ANKS4B: variants seen among roughly 807,000 people sequenced by gnomAD.
ANKS4B encodes the protein ankyrin repeat and SAM domain-containing protein 4B.
ANKS4B carries 21 observed loss-of-function variants against 20.2 expected under a neutral mutation model. The observed-to-expected ratio is 1.04, with a 90% CI of 0.74 to 1.50. The LOEUF (loss-of-function observed/expected upper bound fraction) is 1.50. Among genes scored for constraint, ANKS4B ranks in the 40% most tolerant of loss-of-function variants. The probability of loss-of-function intolerance (pLI) is 0.00; values close to 1 mark genes in which losing one functional copy is unlikely to be tolerated. For synonymous variants in ANKS4B, 179 were observed against 194.5 expected (o/e 0.92, Z 0.66); for missense variants, 473 against 494.6 (o/e 0.96, Z 0.41).
At chr16:21,236,446 GTTC>G (rs2093320392) in intron 1 of ANKS4B, among the ~76,000 whole-genome samples, 1 of 152,176 alleles carries the variant, frequency 6.6e-6, no homozygotes, top group Non-Finnish European at 1.5e-5. Context: ...GGGTTCTGGG[GTTC>G]TTCTCAGCAG....
At chr16:21,234,998 A>G (rs772935146) in intron 1 of ANKS4B, among the ~76,000 whole-genome samples, 2 of 152,098 alleles carry the variant, frequency 1.3e-5, no homozygotes, top group Non-Finnish European at 2.9e-5. Context: ...AGAGGTGTGC[A>G]CCACCATGCC....
chr16:21,250,821 T>C lies in ANKS4B; in HGVS notation c.*1T>C, dbSNP rs757108980. 8 of 1,583,476 alleles carry C rather than the reference T, an allele frequency of 5.1e-6. No homozygotes were observed. Among genetic ancestry groups the C allele is most frequent in the Non-Finnish European group, 6.9e-6 (8 of 1,159,646 alleles). On this transcript the variant is annotated 3_prime_UTR_variant, in exon 2 of 2. Transcript: ENST00000311620. ...GCAGCTGGTCGACACCAGCCTGTGA[T>C]GGAGAGTTTTGGCCTGGAGCATTGG... is the stretch of plus-strand genomic sequence containing the variant.
intron 1 of ANKS4B, 40 bp downstream of exon 1, chr16:21,233,941 A>G: frequency 6.4e-7 from 1 of 1,574,724 alleles, no homozygotes; most frequent in Non-Finnish European, 8.7e-7. Context: ...AACAGTGTTC[A>G]TGGTAGGTTT....
At chr16:21,249,589 GTATCT>G in intron 1 of ANKS4B, 137 bp from the exon 2 acceptor site, 5 of 975,610 alleles carry the variant, frequency 5.1e-6, no homozygotes, top group Non-Finnish European at 7.3e-6. Context: ...CTTGCAGCCA[GTATCT>G]TATAACAATG....
chr16:21,247,351 C>T (rs1252655465), intron 1 of ANKS4B, among the ~76,000 whole-genome samples: 2 of 152,188 alleles, frequency 1.3e-5, no homozygotes, highest in Admixed American at 6.5e-5. Flanking sequence ...GCATGAGAGT[C>T]TTCTGAACTT....
rs746792050 is a variant in ANKS4B at position 21,249,705 on chromosome 16, AT to A, written c.165-18del. ...TTCAGAGAAAAAAAGTCCAACATGT[AT>A]TTTTTTTCTCTCTCTCTCTTCTAGA... is the stretch of plus-strand genomic sequence containing the variant. On this transcript the variant is annotated intron_variant, in intron 1 of 1. Transcript: ENST00000311620. The A allele has an allele frequency of 1.7e-4, 271 of 1,551,918 alleles. 2 individuals carry two copies. In the African/African-American group the frequency reaches 3.0e-3, roughly 17 times the overall value.
intron 1 of ANKS4B, among the ~76,000 whole-genome samples, chr16:21,240,082 T>C (rs540879100): frequency 6.6e-6 from 1 of 152,228 alleles, no homozygotes; most frequent in Non-Finnish European, 1.5e-5. Flanking sequence ...ACGAATCCTA[T>C]AGCAACCATT....
intron 1 of ANKS4B, among the ~76,000 whole-genome samples, chr16:21,248,597 G>A (rs1196815069): frequency 6.6e-6 from 1 of 151,976 alleles, no homozygotes. Flanking sequence ...GGGTGCAGTG[G>A]TGGGTGCCTG....
rs755756506 is a variant in ANKS4B, at chr16:21,250,668, C to A, written c.1102C>A (p.Gln368Lys). ...ATTCCTGCCTATCTTCAAGAGAGAG[C>A]AGATTGATCTAGAAGCTCTGCTGCT... ...EEFLPIFKRE[Q>K]IDLEALLLCS... Residue 368 changes from glutamine (Q) to lysine (K), a missense_variant, in exon 2 of 2, where the codon CAG becomes AAG. Transcript: ENST00000311620. 1.5e-5 allele frequency: 24 copies of A among 1,613,626 alleles called. No individual in the cohort carries two copies. Among genetic ancestry groups the A allele is most frequent in the Admixed American group, 3.3e-5 (2 of 59,978 alleles).
At position 21,250,728 on chromosome 16, in the gene ANKS4B, C is replaced by G. The variant is rs778952303; in HGVS notation, c.1162C>G (p.Gln388Glu). The G allele has an allele frequency of 6.2e-7, 1 of 1,609,964 alleles. No individual in the cohort carries two copies. Among genetic ancestry groups the G allele is most frequent in the Admixed American group, 1.7e-5 (1 of 59,974 alleles). The change falls in exon 2 of 2, where the codon CAG (glutamine) becomes GAG (glutamate). Residue 388 changes from glutamine to glutamate, a missense_variant. By Grantham distance (29) the Gln-to-Glu change is conservative. Coordinates refer to ENST00000311620, the MANE Select transcript of ANKS4B (RefSeq NM_145865.3). Reference protein sequence around the residue: ...SDEDLQSIQMQLGPRKKVLNA... With the variant: ...SDEDLQSIQMELGPRKKVLNA... ...TGAGGACCTTCAGAGCATACAAATG[C>G]AGCTGGGTCCCAGGAAGAAAGTTCT...
At position 21,245,434 on chromosome 16, in the gene ANKS4B, A is replaced by G. The variant is rs948516600; in HGVS notation, c.165-4297A>G. ...ATCCAATTAAGGAGACAAGGCATAA[A>G]TATTTGTCAGATTAAAACTGGAAGT... On this transcript the variant is annotated intron_variant, in intron 1 of 1. Transcript: ENST00000311620. 5.9e-5 allele frequency among the ~76,000 whole-genome samples: 9 copies of G among 152,230 alleles called. No individual in the cohort carries two copies. In the South Asian group the frequency reaches 1.0e-3, roughly 18 times the overall value.
chr16:21,245,446 T>C (rs544130493), intron 1 of ANKS4B, among the ~76,000 whole-genome samples: 1 of 151,996 alleles, frequency 6.6e-6, no homozygotes, highest in East Asian at 1.9e-4. Flanking sequence ...ATTTGTCAGA[T>C]TAAAACTGGA....
chr16:21,247,231 A>C (rs1421972061), intron 1 of ANKS4B, among the ~76,000 whole-genome samples: 1 of 152,000 alleles, frequency 6.6e-6, no homozygotes, highest in Non-Finnish European at 1.5e-5. Flanking sequence ...CGCCCGGCTA[A>C]TTTTTGTATT....
At chr16:21,234,268 C>T (rs1476114737) in intron 1 of ANKS4B, among the ~76,000 whole-genome samples, 1 of 151,972 alleles carries the variant, frequency 6.6e-6, no homozygotes, top group Admixed American at 6.6e-5. Context: ...AAGTTGCCAA[C>T]CTTGGTTGGA....
chr16:21,247,923 GAAGT>G (rs780658042), intron 1 of ANKS4B, among the ~76,000 whole-genome samples: 1 of 152,200 alleles, frequency 6.6e-6, no homozygotes, highest in Non-Finnish European at 1.5e-5. Context: ...TGCAGTCATG[GAAGT>G]AAGTTGAGGA....
At chr16:21,241,848 GAA>G (rs1249738588) in intron 1 of ANKS4B, among the ~76,000 whole-genome samples, 1 of 152,038 alleles carries the variant, frequency 6.6e-6, no homozygotes, top group Non-Finnish European at 1.5e-5. Flanking sequence ...TTTGTGATGA[GAA>G]CATTAAAATC....
intron 1 of ANKS4B, among the ~76,000 whole-genome samples, chr16:21,248,500 C>A (rs973834603): frequency 2.0e-5 from 3 of 151,838 alleles, no homozygotes; most frequent in African/African-American, 4.8e-5. Flanking sequence ...GAGGCTGAGG[C>A]GGGTGGATCA....
rs12598720 is a variant in ANKS4B, at chr16:21,252,077, G to A, written c.*1257G>A. ...CTCCTGAGTAGCTGGGATTACAGGC[G>A]TGCACCACAACGCCTGGCTAAGTTT... On this transcript the variant is annotated 3_prime_UTR_variant, in exon 2 of 2. Coordinates refer to ENST00000311620, the MANE Select transcript of ANKS4B (RefSeq NM_145865.3). 0.019 allele frequency: 2,866 copies of A among 152,074 alleles called. 84 individuals carry two copies. The highest frequency in any genetic ancestry group is 0.12 in the East Asian group (610 of 5,152). 9.4% of individuals were successfully genotyped at this position (152,074 alleles called of 1,614,324 possible).
chr16:21,249,604 G>A, intron 1 of ANKS4B, 127 bp from the exon 2 acceptor site: 2 of 1,111,080 alleles, frequency 1.8e-6, no homozygotes, highest in African/African-American at 1.6e-5. Context: ...TTATAACAAT[G>A]TCAAGTCAGG....
Sources: gnomAD v4.1 joint callset for allele counts (sites outside exome capture counted in the v4.1 genomes callset) on GRCh38, gnomAD v4.1.1 for gene constraint, MANE v1.5 for transcripts, NCBI Gene and HGNC (gene_info 2026-07-23, HGNC 2026-07-21) for gene names.